WDR25: variants seen among roughly 807,000 people sequenced by gnomAD.
WDR25 encodes WD repeat domain 25.
A neutral mutation model predicts 47.7 loss-of-function variants in WDR25; 35 were observed. The ratio of observed to expected loss-of-function variants is 0.73; its 90% CI spans 0.56 to 0.97. WDR25 has a LOEUF of 0.97. Ranked by LOEUF, WDR25 falls within the 50% of genes least tolerant of loss-of-function variation. The pLI is 0.00. For synonymous variants in WDR25, 248 were observed against 278.9 expected (o/e 0.89, Z 1.10); for missense variants, 634 against 704.7 (o/e 0.90, Z 1.14).
At position 100,529,288 on chromosome 14, in the gene WDR25, G is replaced by A; in HGVS notation, c.1413+80G>A. The A allele has an allele frequency of 1.9e-6, 3 of 1,585,066 alleles. No individual in the cohort carries two copies. Among genetic ancestry groups the A allele is most frequent in the Non-Finnish European group, 2.6e-6 (3 of 1,164,016 alleles). On this transcript the variant is annotated intron_variant, in intron 6 of 6. Coordinates refer to ENST00000402312, the MANE Select transcript of WDR25 (RefSeq NM_001161476.3). The surrounding 1 kb of genome is among the most constrained non-coding windows in gnomAD (Gnocchi z 5.1). ...GGCAGTCCTGGACATGGGCCCTGGGGTGCATGGAGCCTCTGTCTGGGTGGA... is the reference window on the plus strand; with the variant it reads ...GGCAGTCCTGGACATGGGCCCTGGGATGCATGGAGCCTCTGTCTGGGTGGA...
rs1196765655 is a variant in WDR25, at chr14:100,459,882, A to ATGTGTGTGTGTGTGTGTG, written c.823-8126_823-8125insGTGTGTGTGTGTGTGTGT. The stretch of plus-strand genomic sequence containing the variant: ...AATGGATATATATATATATCCGTAT[A>ATGTGTGTGTGTGTGTGTG]TGTGTGTGTGTGTATATATATATAT... On this transcript the variant is annotated intron_variant, in intron 2 of 6. Coordinates refer to ENST00000402312, the MANE Select transcript of WDR25 (RefSeq NM_001161476.3). 5.5e-5 allele frequency among the ~76,000 whole-genome samples: 4 copies of ATGTGTGTGTGTGTGTGTG among 72,076 alleles called. No homozygotes were observed. The East Asian group carries it at 1.6e-3, about 28-fold the overall frequency. 47.3% of individuals were successfully genotyped at this position (72,076 alleles called of 152,430 possible).
At chr14:100,436,604 C>T (rs142657230) in intron 2 of WDR25, among the ~76,000 whole-genome samples, 10 of 152,246 alleles carry the variant, frequency 6.6e-5, no homozygotes, top group South Asian at 2.1e-4. Flanking sequence ...CCCTTTAGGC[C>T]GGCCAGGTAG....
chr14:100,410,429 TGA>T (rs1235266284), intron 2 of WDR25, among the ~76,000 whole-genome samples: 3 of 152,104 alleles, frequency 2.0e-5, no homozygotes, highest in Non-Finnish European at 4.4e-5. Context: ...AGGCACCATG[TGA>T]GGGGCCAGCA....
At chr14:100,526,161 A>C (rs1436613181) in intron 5 of WDR25, 121 bp downstream of exon 5, 5 of 1,253,368 alleles carry the variant, frequency 4.0e-6, no homozygotes, top group Non-Finnish European at 2.2e-6. Context: ...TGAAATCTCC[A>C]GGATGAGGGT....
chr14:100,445,048 TC>T (rs1898789037), intron 2 of WDR25, among the ~76,000 whole-genome samples: 1 of 152,198 alleles, frequency 6.6e-6, no homozygotes, highest in African/African-American at 2.4e-5. Flanking sequence ...GACCCTGAAG[TC>T]CCCCATGGAA....
intron 4 of WDR25, among the ~76,000 whole-genome samples, chr14:100,516,780 C>T (rs1172610679): frequency 6.6e-6 from 1 of 152,060 alleles, no homozygotes; most frequent in African/African-American, 2.4e-5. Context: ...GTCTTGTAGA[C>T]TAGATACAGT....
At chr14:100,520,340 A>G (rs1387107083) in intron 4 of WDR25, among the ~76,000 whole-genome samples, 2 of 152,054 alleles carry the variant, frequency 1.3e-5, no homozygotes, top group Non-Finnish European at 2.9e-5. Context: ...AATCTCTTTT[A>G]TGCTAACATT....
Position 100,418,986 on chromosome 14 carries a change from A to C in WDR25, c.822+37240A>C, listed in dbSNP as rs1400260947. 2.0e-5 allele frequency among the ~76,000 whole-genome samples: 3 copies of C among 152,118 alleles called. No homozygotes were observed. In the East Asian group the frequency reaches 5.8e-4, roughly 29 times the overall value. ...TGTAATCCTAGCACTTTGGGAGTCC[A>C]AGGTGGGCGATCACCTGATGTCAGG... On this transcript the variant is annotated intron_variant, in intron 2 of 6. Transcript: ENST00000402312.
rs185984073 is a variant in WDR25, at chr14:100,377,265, G to T, written c.-16+770G>T. On this transcript the variant is annotated intron_variant, in intron 1 of 6. Coordinates refer to ENST00000402312, the MANE Select transcript of WDR25 (RefSeq NM_001161476.3). Reference sequence around the variant, plus strand: ...CTTTCATATTATATTAGTTCCATTGGAGATGAGCTGGCTGGCTGGCTTTAG... The same window carrying T: ...CTTTCATATTATATTAGTTCCATTGTAGATGAGCTGGCTGGCTGGCTTTAG... Among the ~76,000 whole-genome samples, 9 of 149,494 alleles carry T rather than the reference G, an allele frequency of 6.0e-5. No individual in the cohort carries two copies. In the East Asian group the frequency reaches 1.6e-3, roughly 27 times the overall value.
chr14:100,474,720 C>T (rs1899960741), intron 3 of WDR25, among the ~76,000 whole-genome samples: 1 of 152,186 alleles, frequency 6.6e-6, no homozygotes, highest in Non-Finnish European at 1.5e-5. Context: ...AAAGCAGTGG[C>T]TGACAATGGT....
rs368854339 is a variant in WDR25, at chr14:100,380,966, G to A, written c.42G>A (p.Ala14=). Residue 14 remains alanine (A), a synonymous_variant, in exon 2 of 7, where the codon GCG becomes GCA. Transcript: ENST00000402312. The part of the protein sequence containing the change: ...RTLSLMASLV[A]YDDSDSEAET... ...TGTCTTTAATGGCTTCATTGGTAGC[G>A]TATGATGATTCGGACTCGGAGGCTG... 5.6e-6 allele frequency: 9 copies of A among 1,614,222 alleles called. No homozygotes were observed. The highest frequency in any genetic ancestry group is 1.7e-5 in the Admixed American group (1 of 60,030).
At position 100,380,954 on chromosome 14, in the gene WDR25, T is replaced by G; in HGVS notation, c.30T>G (p.Ala10=). Residue 10 remains alanine, a synonymous_variant, in exon 2 of 7, where the codon GCT becomes GCG. Transcript: ENST00000402312. MTARTLSLM[A]SLVAYDDSDS... is the part of the protein sequence containing the mutation. ...CAGCAAGAACTCTGTCTTTAATGGC[T>G]TCATTGGTAGCGTATGATGATTCGG... The G allele has an allele frequency of 1.2e-6, 2 of 1,614,068 alleles. No homozygotes were observed. The highest frequency in any genetic ancestry group is 4.5e-5 in the East Asian group (2 of 44,882).
In WDR25 at chr14:100,488,479, G is replaced by C. The variant is rs938522333; in HGVS notation, c.1101+4355G>C. ...GCTACTTGCTTGGCTGGGTGATTTC[G>C]GCCACATTCCTTAAGCAAAAGCCTC... On this transcript the variant is annotated intron_variant, in intron 4 of 6. Transcript: ENST00000402312. The surrounding 1 kb of genome is among the most constrained non-coding windows in gnomAD (Gnocchi z 4.2). Among the ~76,000 whole-genome samples, 2 of 152,062 alleles carry C rather than the reference G, an allele frequency of 1.3e-5. No homozygotes were observed. The highest frequency in any genetic ancestry group is 2.4e-5 in the African/African-American group (1 of 41,398).
intron 3 of WDR25, among the ~76,000 whole-genome samples, chr14:100,477,404 G>A (rs1258204465): frequency 1.3e-5 from 2 of 152,214 alleles, no homozygotes; most frequent in African/African-American, 2.4e-5. Context: ...AATAAAGTCA[G>A]TGCTAGTGGA....
At chr14:100,527,305 G>A (rs1052259817) in intron 5 of WDR25, among the ~76,000 whole-genome samples, 2 of 150,082 alleles carry the variant, frequency 1.3e-5, no homozygotes, top group African/African-American at 4.9e-5. Context: ...CTATTATATT[G>A]TTATCATCAC....
chr14:100,453,966 G>A (rs913548114), intron 2 of WDR25, among the ~76,000 whole-genome samples: 5 of 152,102 alleles, frequency 3.3e-5, no homozygotes, highest in African/African-American at 9.7e-5. Context: ...GATGCTGATC[G>A]AGTTTCTCCT....
intron 2 of WDR25, among the ~76,000 whole-genome samples, chr14:100,451,231 C>T (rs889410085): frequency 1.4e-5 from 2 of 139,310 alleles, no homozygotes; most frequent in Admixed American, 7.9e-5. Context: ...AGCGTTCATT[C>T]GCCAAAGCAT....
intron 4 of WDR25, among the ~76,000 whole-genome samples, chr14:100,501,589 G>A (rs1420641828): frequency 6.6e-6 from 1 of 152,222 alleles, no homozygotes; most frequent in Non-Finnish European, 1.5e-5. Flanking sequence ...AAAGGGAGAA[G>A]TGAATTAATT....
At chr14:100,378,903 A>AGAAAAGAGGGAAG (rs1566878739) in intron 1 of WDR25, among the ~76,000 whole-genome samples, 3 of 61,348 alleles carry the variant, frequency 4.9e-5, no homozygotes, top group African/African-American at 1.5e-4. Flanking sequence ...GCTTGCAGTG[A>AGAAAAGAGGGAAG]GCCGAGATCC....
Sources: allele counts gnomAD v4.1 joint callset (sites outside exome capture counted in the v4.1 genomes callset), GRCh38; gene constraint gnomAD v4.1.1; non-coding constraint Gnocchi (gnomAD v3.1); transcripts MANE v1.5; gene names NCBI Gene and HGNC (gene_info 2026-07-23, HGNC 2026-07-21).